The following PCDHGB4 variants were observed in gnomAD, a reference collection of about 807,000 sequenced individuals.
PCDHGB4 encodes the protein protocadherin gamma-B4.
A neutral mutation model predicts 60.5 loss-of-function variants in PCDHGB4; 38 were observed. The ratio of observed to expected loss-of-function variants is 0.63; its 90% CI spans 0.48 to 0.82. The LOEUF is 0.82. Among genes scored for constraint, PCDHGB4 ranks in the 40% least tolerant of loss-of-function variants. The pLI, the probability that PCDHGB4 is intolerant of heterozygous loss-of-function variation, is 0.00. For missense variants in PCDHGB4, 1,109 were observed against 1,209.6 expected, an observed-to-expected ratio of 0.92 and a Z score of 1.23; for synonymous variants, 456 against 509.7, an observed-to-expected ratio of 0.89 and a Z score of 1.42.
chr5:141,484,944 AG>A (rs1354711871), intron 1 of PCDHGB4: 1 of 546,450 alleles, frequency 1.8e-6, no homozygotes, highest in Non-Finnish European at 3.3e-6. Context: ...TTCTCTGCTC[AG>A]CCTATTGGCT....
chr5:141,414,592 G>T, intron 1 of PCDHGB4: 1 of 1,613,920 alleles, frequency 6.2e-7, no homozygotes, highest in Non-Finnish European at 8.5e-7. Flanking sequence ...CGCCAGGGGT[G>T]CCTCCATCTT....
At chr5:141,403,054 A>C in intron 1 of PCDHGB4, 1 of 1,614,062 alleles carries the variant, frequency 6.2e-7, no homozygotes, top group Middle Eastern at 1.6e-4. Flanking sequence ...TTCGCTACTC[A>C]GTGCCTGAAG....
At chr5:141,421,044 C>T (rs556562994) in intron 1 of PCDHGB4, 3 of 548,494 alleles carry the variant, frequency 5.5e-6, no homozygotes, top group African/African-American at 1.9e-5. Context: ...CTCCCTCCCC[C>T]GCCTCTACCA....
In PCDHGB4 at chr5:141,403,922, G is replaced by A. The variant is rs770450211; in HGVS notation, c.2397+13641G>A. ...TGAAATGGAAATACAAGCTGAAGAT[G>A]GTGGGGGATTGAAAGGGTGGACAAA... On this transcript the variant is annotated intron_variant, in intron 1 of 3. Transcript: ENST00000519479. 6.2e-6 allele frequency: 10 copies of A among 1,613,904 alleles called. No individual in the cohort carries two copies. The East Asian group carries it at 2.2e-4, about 36-fold the overall frequency.
At chr5:141,405,488 C>T (rs781076927) in intron 1 of PCDHGB4, 5 of 895,936 alleles carry the variant, frequency 5.6e-6, no homozygotes, top group Middle Eastern at 2.9e-4. Context: ...GGTGTGATCT[C>T]GGCTCATTGC....
intron 1 of PCDHGB4, chr5:141,433,288 G>A (rs2097582001): frequency 5.3e-6 from 6 of 1,136,424 alleles, no homozygotes; most frequent in Non-Finnish European, 7.5e-6. Flanking sequence ...CAAACTCCTA[G>A]GCTCAAGCAA....
chr5:141,510,426 T>C (rs983368750), intron 3 of PCDHGB4, among the ~76,000 whole-genome samples: 1 of 152,084 alleles, frequency 6.6e-6, no homozygotes, highest in African/African-American at 2.4e-5. Flanking sequence ...CATGGTTTCA[T>C]GGCTGCTGCC....
At position 141,421,233 on chromosome 5, in the gene PCDHGB4, G is replaced by A. The variant is rs201076931; in HGVS notation, c.2397+30952G>A. Reference sequence around the variant, plus strand: ...ATATCGGCTTAGAGCCTGCCATGGCGAATCGGCTACAGCGCGGGGACCGCA... The same window carrying A: ...ATATCGGCTTAGAGCCTGCCATGGCAAATCGGCTACAGCGCGGGGACCGCA... On this transcript the variant is annotated intron_variant, in intron 1 of 3. Coordinates refer to ENST00000519479, the MANE Select transcript of PCDHGB4 (RefSeq NM_003736.4). 1.4e-3 allele frequency: 2,185 copies of A among 1,592,236 alleles called. 58 individuals are homozygous for A. In the South Asian group the frequency reaches 0.024, roughly 17 times the overall value.
chr5:141,408,362 C>T (rs773344794), intron 1 of PCDHGB4: 36 of 1,613,850 alleles, frequency 2.2e-5, no homozygotes, highest in Non-Finnish European at 3.1e-5. Flanking sequence ...CGCTAAGGAT[C>T]TAGGGCTCAG....
At chr5:141,411,309 C>A (rs2095479833) in intron 1 of PCDHGB4, 1 of 152,130 alleles carries the variant, frequency 6.6e-6, no homozygotes, top group African/African-American at 2.4e-5. Context: ...GTGGCTCACA[C>A]CTATAATCAC....
rs774079222 is a variant in PCDHGB4 at position 141,491,314 on chromosome 5, C to T, written c.2398-3493C>T. On this transcript the variant is annotated intron_variant, in intron 1 of 3. Coordinates refer to ENST00000519479, the MANE Select transcript of PCDHGB4 (RefSeq NM_003736.4). This position sits in a 1 kb window ranked among gnomAD's most constrained non-coding sequence, Gnocchi z 6.9. ...CCCTCCTGAGCGTTCAGACCTTACC[C>T]TTTACCTCATTGTGGCTCTAGCGAC... The T allele has an allele frequency of 1.9e-6, 3 of 1,614,182 alleles. No individual in the cohort carries two copies. In the South Asian group the frequency reaches 3.3e-5, roughly 18 times the overall value.
intron 1 of PCDHGB4, chr5:141,475,966 A>T (rs1252698069): frequency 2.3e-6 from 2 of 888,664 alleles, no homozygotes; most frequent in Admixed American, 5.2e-5. Flanking sequence ...GGGATGAGGC[A>T]GAGACTGAAC....
At chr5:141,393,051 C>T in intron 1 of PCDHGB4, 1 of 1,613,622 alleles carries the variant, frequency 6.2e-7, no homozygotes, top group Non-Finnish European at 8.5e-7. Context: ...TCTGAACCCG[C>T]GCAGCGGCAG....
At position 141,408,728 on chromosome 5, in the gene PCDHGB4, C is replaced by T. The variant is rs371316574; in HGVS notation, c.2397+18447C>T. ...TAAAGATTATAAGATAAACTCTAAT[C>T]CTTATTTTTCATTAATGGTTAGAGT... On this transcript the variant is annotated intron_variant, in intron 1 of 3. Transcript: ENST00000519479. 6.2e-7 allele frequency: 1 copy of T among 1,610,292 alleles called. No homozygotes were observed. Among genetic ancestry groups the T allele is most frequent in the African/African-American group, 1.3e-5 (1 of 74,802 alleles).
chr5:141,389,721 G>A lies in PCDHGB4; in HGVS notation c.1837G>A (p.Gly613Arg), dbSNP rs1477842058. 4 of 1,612,502 alleles carry A rather than the reference G, an allele frequency of 2.5e-6. No homozygotes were observed. The highest frequency in any genetic ancestry group is 1.7e-6 in the Non-Finnish European group (2 of 1,179,762). ...SYHVLQASEPGLFSLGLRTGE... is the reference protein window; with the variant it reads ...SYHVLQASEPRLFSLGLRTGE... ...CCACGTGCTGCAGGCTAGCGAGCCC[G>A]GGCTCTTCAGCCTGGGGCTGCGCAC... The change falls in exon 1 of 4, where the codon GGG (glycine) becomes AGG (arginine). Residue 613 changes from glycine (G) to arginine (R), a missense_variant. This residue lies in a region of PCDHGB4 where 1,068 missense variants were observed against 1,089.9 expected (regional missense o/e 0.98). Transcript: ENST00000519479.
chr5:141,418,330 A>C (rs1346623372), intron 1 of PCDHGB4: 2 of 1,613,922 alleles, frequency 1.2e-6, no homozygotes, highest in Admixed American at 1.7e-5. Flanking sequence ...TTGAGTCTGC[A>C]GAAGATCCTG....
At chr5:141,495,164 C>T (rs1326419591) in intron 2 of PCDHGB4, among the ~76,000 whole-genome samples, 4 of 152,198 alleles carry the variant, frequency 2.6e-5, no homozygotes, top group Admixed American at 1.3e-4. Context: ...AAGCTGGTCT[C>T]TGGGTGAAAG....
chr5:141,417,507 A>G (rs573832786), intron 1 of PCDHGB4: 1 of 234,942 alleles, frequency 4.3e-6, no homozygotes, highest in Non-Finnish European at 8.1e-6. Context: ...AAAGATTAAA[A>G]TATTTTGGCT....
At chr5:141,418,894 A>G (rs200182481) in intron 1 of PCDHGB4, 2 of 1,614,004 alleles carry the variant, frequency 1.2e-6, no homozygotes, top group East Asian at 4.5e-5. Context: ...ACAACAGCCC[A>G]GAAATAATCA....
Sources: gnomAD v4.1 joint callset for allele counts (sites outside exome capture counted in the v4.1 genomes callset) on GRCh38, gnomAD v4.1.1 for gene constraint, gnomAD v4.1.1 regional missense constraint, Gnocchi (gnomAD v3.1) non-coding constraint, MANE v1.5 for transcripts, NCBI Gene and HGNC (gene_info 2026-07-23, HGNC 2026-07-21) for gene names.